Variants in DENND3 observed in about 807,000 individuals in gnomAD.
DENND3 encodes the protein DENN domain containing 3.
Under a neutral mutation model 135.1 loss-of-function variants are expected in DENND3, and 88 were observed. The ratio of observed to expected loss-of-function variants is 0.65; its 90% CI spans 0.55 to 0.78. The LOEUF is 0.78. DENND3 is among the 30% of genes least tolerant of loss of function. DENND3 has a pLI of 0.00. For synonymous variants in DENND3, 693 were observed against 712.3 expected (o/e 0.97, Z 0.43); for missense variants, 1,392 against 1,688.4 (o/e 0.82, Z 3.08).
rs762412502 is a variant in DENND3 at position 141,130,984 on chromosome 8, C to G, written c.102+2175C>G. On this transcript the variant is annotated intron_variant, in intron 1 of 22. Transcript: ENST00000519811. This position sits in a 1 kb window ranked among gnomAD's most constrained non-coding sequence, Gnocchi z 4.2. ...ATAGGTGTGAGCCACCGCACCTGGC[C>G]GCTTTTAAATAATTTTTACCTTGAC... is the stretch of plus-strand genomic sequence containing the variant. Among the ~76,000 whole-genome samples the G allele has an allele frequency of 6.6e-6, 1 of 152,066 alleles. No individual in the cohort carries two copies. Among genetic ancestry groups the G allele is most frequent in the Admixed American group, 6.6e-5 (1 of 15,258 alleles).
intron 17 of DENND3, among the ~76,000 whole-genome samples, chr8:141,181,391 C>T (rs767442506): frequency 3.9e-4 from 60 of 152,376 alleles, no homozygotes; most frequent in East Asian, 9.6e-4. Context: ...ATGGGATCCT[C>T]TTGTCATGGT....
intron 8 of DENND3, among the ~76,000 whole-genome samples, chr8:141,156,791 C>CTTTT (rs34035594): frequency 4.9e-5 from 6 of 123,186 alleles, no homozygotes; most frequent in Non-Finnish European, 5.0e-5. Flanking sequence ...TTTTTCTTTC[C>CTTTT]TTTTTTTTTT....
rs869073041 is a variant in DENND3, at chr8:141,130,691, A to AT, written c.102+1895dup. On this transcript the variant is annotated intron_variant, in intron 1 of 22. Coordinates refer to ENST00000519811, the MANE Select transcript of DENND3 (RefSeq NM_001352890.3). This position sits in a 1 kb window ranked among gnomAD's most constrained non-coding sequence, Gnocchi z 4.2. Reference sequence around the variant, plus strand: ...TTGAATGTCCAAGGCTTTTAAATATATTTTTTTTTTTTTGAGACAGAGTTT... The same window carrying AT: ...TTGAATGTCCAAGGCTTTTAAATATATTTTTTTTTTTTTTGAGACAGAGTTT... Among the ~76,000 whole-genome samples, 31 of 120,942 alleles carry AT rather than the reference A, an allele frequency of 2.6e-4. No homozygotes were observed. The highest frequency in any genetic ancestry group is 2.0e-3 in the East Asian group (10 of 4,952). The allele number at this position is 120,942 out of a possible 152,430, so 79.3% of individuals were successfully genotyped here.
chr8:141,155,958 C>T lies in DENND3; in HGVS notation c.1184C>T (p.Thr395Met), dbSNP rs755533316. The T allele has an allele frequency of 1.9e-5, 30 of 1,609,186 alleles. 1 individual carries two copies. The highest frequency in any genetic ancestry group is 2.2e-5 in the East Asian group (1 of 44,744). Reference protein sequence around the residue: ...IPDVPLLAAQTFIQRVQSLQL... With the variant: ...IPDVPLLAAQMFIQRVQSLQL... ...GATGTCCCCCTCCTGGCAGCCCAGA[C>T]GTTTATTCAGAGGTAACGGGAAACA... The change falls in exon 8 of 23, where the codon ACG becomes ATG. Residue 395 changes from threonine (T) to methionine (M), a missense_variant. Physicochemically the swap from Thr to Met is moderately conservative, Grantham distance 81 (BLOSUM62 -1). Transcript: ENST00000519811.
At chr8:141,178,032 C>G (rs780554613) in intron 15 of DENND3, 35 bp from the exon 16 acceptor site, 2 of 1,580,364 alleles carry the variant, frequency 1.3e-6, no homozygotes, top group South Asian at 1.1e-5. Context: ...CTTAGTGATT[C>G]TTGCTGTTTT....
chr8:141,132,220 G>A (rs748819722), intron 1 of DENND3, among the ~76,000 whole-genome samples: 10 of 152,176 alleles, frequency 6.6e-5, no homozygotes, highest in East Asian at 1.9e-4. Flanking sequence ...AAAATTATAC[G>A]TTTATACATG....
At chr8:141,135,095 C>G (rs1235034263) in intron 1 of DENND3, among the ~76,000 whole-genome samples, 2 of 152,080 alleles carry the variant, frequency 1.3e-5, no homozygotes, top group African/African-American at 4.8e-5. Context: ...CTCGGCTTCC[C>G]AAAGTGCTGG....
At chr8:141,179,154 G>T (rs1230484307) in intron 16 of DENND3, among the ~76,000 whole-genome samples, 2 of 152,200 alleles carry the variant, frequency 1.3e-5, no homozygotes, top group African/African-American at 2.4e-5. Flanking sequence ...CACTTTCTGG[G>T]TACAGAATCC....
chr8:141,190,894 G>A (rs1021297232), intron 20 of DENND3, among the ~76,000 whole-genome samples: 1 of 152,248 alleles, frequency 6.6e-6, no homozygotes, highest in Admixed American at 6.5e-5. Context: ...TTTTGCCAGG[G>A]GGGCGATGGG....
chr8:141,151,938 G>A (rs1166333909), intron 7 of DENND3, 101 bp downstream of exon 7: 5 of 1,417,568 alleles, frequency 3.5e-6, no homozygotes, highest in Non-Finnish European at 4.9e-6. Flanking sequence ...GTGAAGGCGG[G>A]GTCTGTGTGC....
intron 14 of DENND3, chr8:141,176,292 A>AC (rs10630628): frequency 1.4e-4 from 25 of 176,124 alleles, no homozygotes; most frequent in Admixed American, 5.4e-4. Flanking sequence ...CAAAACAAAA[A>AC]AAAAAAAACA....
rs28633557 is a variant in DENND3, at chr8:141,141,831, C to T, written c.623+507C>T. On this transcript the variant is annotated intron_variant, in intron 4 of 22. Transcript: ENST00000519811. The surrounding 1 kb of genome is among the most constrained non-coding windows in gnomAD (Gnocchi z 5.3). ...ACTAAGATGGGAGGACTGCTTGAGC[C>T]GAGGGGTTTGAGACAAGCCTAGGGA... is the stretch of plus-strand genomic sequence containing the variant. The T allele has an allele frequency of 7.8e-3, 1,471 of 188,646 alleles. 27 individuals carry two copies. Among genetic ancestry groups the T allele is most frequent in the African/African-American group, 0.033 (1,371 of 41,898 alleles). 11.7% of individuals were successfully genotyped at this position (188,646 alleles called of 1,614,324 possible).
intron 5 of DENND3, among the ~76,000 whole-genome samples, chr8:141,149,109 C>T (rs1818487596): frequency 6.6e-6 from 1 of 152,124 alleles, no homozygotes; most frequent in Non-Finnish European, 1.5e-5. Flanking sequence ...AAGGTTTCTC[C>T]ATGTTGATCA....
chr8:141,132,888 A>G (rs1816298267), intron 1 of DENND3, among the ~76,000 whole-genome samples: 1 of 152,198 alleles, frequency 6.6e-6, no homozygotes, highest in Non-Finnish European at 1.5e-5. Flanking sequence ...CCTCTAAGAG[A>G]TCACCAGGTG....
At chr8:141,155,081 T>A (rs965075056) in intron 7 of DENND3, among the ~76,000 whole-genome samples, 12 of 152,078 alleles carry the variant, frequency 7.9e-5, no homozygotes, top group Admixed American at 7.9e-4. Flanking sequence ...GGAGTCAAAT[T>A]CATGGAGACA....
Position 141,181,359 on chromosome 8 carries a change from A to T in DENND3, c.2944+505A>T, listed in dbSNP as rs958776059. On this transcript the variant is annotated intron_variant, in intron 17 of 22. Coordinates refer to ENST00000519811, the MANE Select transcript of DENND3 (RefSeq NM_001352890.3). Reference sequence around the variant, plus strand: ...CACTTTCTAAAGCACTCTTGCTCACATCGTTTCCGCAGAAGCTCTTAATGG... The same window carrying T: ...CACTTTCTAAAGCACTCTTGCTCACTTCGTTTCCGCAGAAGCTCTTAATGG... Among the ~76,000 whole-genome samples the T allele has an allele frequency of 5.9e-5, 9 of 152,298 alleles. No homozygotes were observed. The South Asian group carries it at 8.3e-4, about 14-fold the overall frequency.
chr8:141,189,306 GCTT>G (rs1239156308), intron 19 of DENND3, among the ~76,000 whole-genome samples, 160 bp downstream of exon 19: 1 of 152,262 alleles, frequency 6.6e-6, no homozygotes, highest in Non-Finnish European at 1.5e-5. Context: ...TCCTCGGTCT[GCTT>G]CTGCTCACGG....
intron 17 of DENND3, chr8:141,184,697 A>G: frequency 6.3e-6 from 1 of 158,620 alleles, no homozygotes; most frequent in African/African-American, 2.4e-5. Flanking sequence ...GTGTTGGGAA[A>G]GACGCGGAGC....
At chr8:141,156,209 C>T (rs976858686) in intron 8 of DENND3, among the ~76,000 whole-genome samples, 2 of 152,122 alleles carry the variant, frequency 1.3e-5, no homozygotes, top group Non-Finnish European at 2.9e-5. Flanking sequence ...AAGCGATTCT[C>T]CTGCCTCAGC....
Sources: allele counts gnomAD v4.1 joint callset (sites outside exome capture counted in the v4.1 genomes callset), GRCh38; gene constraint gnomAD v4.1.1; non-coding constraint Gnocchi (gnomAD v3.1); transcripts MANE v1.5; gene names NCBI Gene and HGNC (gene_info 2026-07-23, HGNC 2026-07-21).